The following DNAH9 variants were observed in gnomAD, a reference collection of about 807,000 sequenced individuals.
The protein encoded by DNAH9 is dynein axonemal heavy chain 9.
Under a neutral mutation model 471.6 loss-of-function variants are expected in DNAH9, and 345 were observed. The ratio of observed to expected loss-of-function variants is 0.73; its 90% CI spans 0.67 to 0.80. The LOEUF (loss-of-function observed/expected upper bound fraction) is 0.80, where lower values mean the gene tolerates loss of function less well. DNAH9 is among the 30% of genes least tolerant of loss of function. The pLI is 0.00. For missense variants in DNAH9, 5,407 were observed against 5,609.2 expected (o/e 0.96, Z 1.15); for synonymous variants, 2,093 against 2,123.6 (o/e 0.99, Z 0.40).
At position 11,752,886 on chromosome 17, in the gene DNAH9, A is replaced by T; in HGVS notation, c.6664A>T (p.Lys2222Ter). 1 of 1,610,304 alleles carries T rather than the reference A, an allele frequency of 6.2e-7. No homozygotes were observed. Among genetic ancestry groups the T allele is most frequent in the Non-Finnish European group, 8.5e-7 (1 of 1,177,950 alleles). The change falls in exon 33 of 69, where the codon AAG becomes TAG. Residue 2222 changes from lysine to a stop codon, truncating the protein, a stop_gained. Transcript: ENST00000262442. LOFTEE classifies it high-confidence loss of function. The part of the protein sequence containing the change: ...ELANITHDGP[K>*]WILLDGDIDP... ...TGCCAACATCACCCATGATGGGCCC[A>T]AGTGGATTTTACTGGATGGCGACAT...
intron 30 of DNAH9, 75 bp downstream of exon 30, chr17:11,742,388 G>A (rs2075445813): frequency 2.7e-6 from 4 of 1,465,826 alleles, no homozygotes; most frequent in East Asian, 4.6e-5. Flanking sequence ...TGGAACAAAT[G>A]TATTAGGAAA....
At chr17:11,850,179 G>A (rs1297272591) in intron 49 of DNAH9, among the ~76,000 whole-genome samples, 1 of 152,192 alleles carries the variant, frequency 6.6e-6, no homozygotes, top group Admixed American at 6.5e-5. Context: ...TGGGTGGGAG[G>A]AGGCAGAGGT....
chr17:11,782,888 T>C (rs1968722138), intron 39 of DNAH9, among the ~76,000 whole-genome samples: 1 of 152,130 alleles, frequency 6.6e-6, no homozygotes, highest in South Asian at 2.1e-4. Flanking sequence ...CGAGCAAGAC[T>C]CCGTCTCAAA....
chr17:11,693,838 G>A (rs1181985589), intron 20 of DNAH9, 30 bp from the exon 21 acceptor site: 1 of 1,613,564 alleles, frequency 6.2e-7, no homozygotes, highest in Admixed American at 1.7e-5. Flanking sequence ...GTGGAGTGGT[G>A]GTTAATTGCT....
chr17:11,812,009 AAAAAAAAAAAAAAAAAAATATATAT>A (rs1969928133), intron 45 of DNAH9, among the ~76,000 whole-genome samples: 1 of 61,154 alleles, frequency 1.6e-5, no homozygotes, highest in African/African-American at 8.2e-5. Flanking sequence ...AAAAAAAAAA[AAAAAAAAAAAAAAAAAAATATATAT>A]ATATATATAT....
chr17:11,757,545 G>C lies in DNAH9; in HGVS notation c.6848G>C (p.Gly2283Ala). The C allele has an allele frequency of 2.5e-6, 4 of 1,611,992 alleles. No individual in the cohort carries two copies. Among genetic ancestry groups the C allele is most frequent in the Non-Finnish European group, 3.4e-6 (4 of 1,178,162 alleles). Residue 2283 changes from glycine to alanine, a missense_variant and splice_region_variant, in exon 35 of 69, where the codon GGG becomes GCG. Around this residue, in one of 3 missense-constraint regions of DNAH9, gnomAD observed 4,636 missense variants for 4,900.3 expected, o/e 0.95. Transcript: ENST00000262442. ...TATPATVSRA[G>A]ILYINPADLG... ...TAAACTGTATTCTCTGTGCTCACAG[G>C]GATCTTGTACATCAACCCGGCAGAC...
At chr17:11,684,307 G>T (rs865919733) in intron 19 of DNAH9, among the ~76,000 whole-genome samples, 1 of 152,166 alleles carries the variant, frequency 6.6e-6, no homozygotes, top group African/African-American at 2.4e-5. Context: ...GTGAAGTCAG[G>T]TTGCATAGGT....
chr17:11,935,871 T>C (rs1974695382), intron 65 of DNAH9, among the ~76,000 whole-genome samples: 2 of 152,166 alleles, frequency 1.3e-5, no homozygotes, highest in South Asian at 4.1e-4. Context: ...TAAGAGGAGA[T>C]TTAAAACAAT....
At chr17:11,863,190 G>A (rs1012236008) in intron 50 of DNAH9, among the ~76,000 whole-genome samples, 8 of 152,108 alleles carry the variant, frequency 5.3e-5, no homozygotes, top group South Asian at 2.1e-4. Flanking sequence ...TTTGAGATAC[G>A]TCCCATCAAT....
chr17:11,804,204 ATAAT>A (rs947897429), intron 43 of DNAH9, among the ~76,000 whole-genome samples: 5 of 152,388 alleles, frequency 3.3e-5, no homozygotes, highest in African/African-American at 9.6e-5. Flanking sequence ...TCACAATTAA[ATAAT>A]TAAAGTGGAA....
chr17:11,789,225 T>C (rs1968979659), intron 41 of DNAH9, among the ~76,000 whole-genome samples: 1 of 152,090 alleles, frequency 6.6e-6, no homozygotes, highest in South Asian at 2.1e-4. Flanking sequence ...TAAAATACTT[T>C]GAGAAGTGTT....
chr17:11,859,194 C>G (rs998596937), intron 50 of DNAH9, among the ~76,000 whole-genome samples: 4 of 151,856 alleles, frequency 2.6e-5, no homozygotes, highest in Non-Finnish European at 5.9e-5. Flanking sequence ...AGGTGTATCA[C>G]CTGAGCTCAG....
chr17:11,650,109 T>A (rs1273336885), intron 12 of DNAH9, among the ~76,000 whole-genome samples: 1 of 152,198 alleles, frequency 6.6e-6, no homozygotes, highest in East Asian at 1.9e-4. Context: ...ATATCTATCT[T>A]GAGCTAGAAC....
chr17:11,923,204 T>C (rs1415460780), intron 61 of DNAH9, among the ~76,000 whole-genome samples: 1 of 152,118 alleles, frequency 6.6e-6, no homozygotes, highest in African/African-American at 2.4e-5. Flanking sequence ...GCCTCCCTAG[T>C]AGCTGGGATT....
chr17:11,722,952 T>A (rs905152561), intron 27 of DNAH9, among the ~76,000 whole-genome samples: 1 of 152,204 alleles, frequency 6.6e-6, no homozygotes, highest in African/African-American at 2.4e-5. Flanking sequence ...ATATTGTGGA[T>A]ACTACACTTT....
chr17:11,817,007 C>A (rs1048510913), intron 45 of DNAH9, among the ~76,000 whole-genome samples: 1 of 151,744 alleles, frequency 6.6e-6, no homozygotes, highest in Non-Finnish European at 1.5e-5. Flanking sequence ...TGCAGTGAGC[C>A]GAGATCGCGC....
chr17:11,758,561 C>T (rs1310850937), intron 35 of DNAH9, among the ~76,000 whole-genome samples: 2 of 152,130 alleles, frequency 1.3e-5, no homozygotes, highest in Non-Finnish European at 2.9e-5. Context: ...GAAGTTGATC[C>T]CTGCCTCTTT....
chr17:11,672,962 C>G (rs531957011), intron 17 of DNAH9, among the ~76,000 whole-genome samples: 30 of 152,278 alleles, frequency 2.0e-4, no homozygotes, highest in Admixed American at 3.9e-4. Flanking sequence ...CCTGCTTTCT[C>G]AGAGTCTATC....
At chr17:11,835,015 A>C (rs12453237) in intron 49 of DNAH9, 117 bp downstream of exon 49, 1 of 1,349,298 alleles carries the variant, frequency 7.4e-7, no homozygotes, top group Non-Finnish European at 9.9e-7. Context: ...GTGGGCTCCA[A>C]CTGTCACTGA....
Sources: gnomAD v4.1 joint callset for allele counts (sites outside exome capture counted in the v4.1 genomes callset) on GRCh38, gnomAD v4.1.1 for gene constraint, gnomAD v4.1.1 regional missense constraint, MANE v1.5 for transcripts, NCBI Gene and HGNC (gene_info 2026-07-23, HGNC 2026-07-21) for gene names.